HECW2: variants seen among roughly 807,000 people sequenced by gnomAD.
HECW2 encodes E3 ubiquitin-protein ligase HECW2.
A neutral mutation model predicts 175.2 loss-of-function variants in HECW2; 61 were observed. That is an observed-to-expected ratio of 0.35 (90% CI 0.28 to 0.43). The LOEUF is 0.43. Ranked by LOEUF, HECW2 falls within the 20% of genes least tolerant of loss-of-function variation. The pLI, the probability that HECW2 is intolerant of heterozygous loss-of-function variation, is 1.00. For synonymous variants in HECW2, 671 were observed against 731.0 expected, an observed-to-expected ratio of 0.92 and a Z score of 1.32; for missense variants, 1,524 against 2,000.5, an observed-to-expected ratio of 0.76 and a Z score of 4.54.
intron 1 of HECW2, among the ~76,000 whole-genome samples, chr2:196,518,393 C>A (rs560398919): frequency 6.6e-6 from 1 of 152,000 alleles, no homozygotes; most frequent in Non-Finnish European, 1.5e-5. Context: ...CGGTGGCTCA[C>A]GACTGTAATC....
At chr2:196,502,786 C>A (rs182429217) in intron 1 of HECW2, among the ~76,000 whole-genome samples, 1 of 152,204 alleles carries the variant, frequency 6.6e-6, no homozygotes, top group Non-Finnish European at 1.5e-5. Flanking sequence ...CTTCACCCAG[C>A]CTTGCTCTTC....
intron 25 of HECW2, 147 bp downstream of exon 25, chr2:196,220,648 C>T (rs1288806913): frequency 1.2e-6 from 1 of 831,050 alleles, no homozygotes; most frequent in African/African-American, 1.7e-5. Context: ...GCTCTTGAAA[C>T]ATAAGGGAAA....
chr2:196,584,518 CTT>C (rs1690906713), intron 1 of HECW2, among the ~76,000 whole-genome samples: 1 of 152,032 alleles, frequency 6.6e-6, no homozygotes, highest in Non-Finnish European at 1.5e-5. Flanking sequence ...AATTGAATCA[CTT>C]GTCTTGCCTG....
At chr2:196,476,059 C>A (rs1418595125) in intron 1 of HECW2, among the ~76,000 whole-genome samples, 1 of 152,140 alleles carries the variant, frequency 6.6e-6, no homozygotes, top group African/African-American at 2.4e-5. Context: ...GTGAATGACC[C>A]TAGAGTCAAA....
intron 1 of HECW2, among the ~76,000 whole-genome samples, chr2:196,439,621 G>A (rs1040770720): frequency 6.6e-6 from 1 of 152,130 alleles, no homozygotes; most frequent in Non-Finnish European, 1.5e-5. Context: ...ACAAGCCAGC[G>A]ACGGGACAGT....
rs1379314026 is a variant in HECW2, at chr2:196,512,722, C to A, written c.-35-79264G>T. Among the ~76,000 whole-genome samples the A allele has an allele frequency of 2.0e-5, 3 of 151,652 alleles. No individual in the cohort carries two copies. The South Asian group carries it at 6.3e-4, about 32-fold the overall frequency. ...TTTTTTTTTTCGAGTTGGAGTCTCG[C>A]TCTGTCACCCAGGCTGCAGTGCAGT... On this transcript the variant is annotated intron_variant, in intron 1 of 28. Coordinates refer to ENST00000644978, the MANE Select transcript of HECW2 (RefSeq NM_001348768.2).
At chr2:196,574,400 A>G (rs1034034497) in intron 1 of HECW2, among the ~76,000 whole-genome samples, 1 of 152,134 alleles carries the variant, frequency 6.6e-6, no homozygotes, top group Non-Finnish European at 1.5e-5. Context: ...ACTGCACTCC[A>G]GTGTGGGCGA....
chr2:196,201,020 T>C lies in HECW2; in HGVS notation c.*257A>G, dbSNP rs1686837930. The C allele has an allele frequency of 2.7e-6, 1 of 376,956 alleles. No individual in the cohort carries two copies. The highest frequency in any genetic ancestry group is 5.0e-6 in the Non-Finnish European group (1 of 198,912). 23.4% of individuals were successfully genotyped at this position (376,956 alleles called of 1,614,324 possible). On this transcript the variant is annotated 3_prime_UTR_variant, in exon 29 of 29. Coordinates refer to ENST00000644978, the MANE Select transcript of HECW2 (RefSeq NM_001348768.2). ...CATCTTTGTCTTGGAACATAACAAA[T>C]GGAAAAAGTTTGGCAGTCAAGAACT...
At chr2:196,463,567 A>C (rs1462162480) in intron 1 of HECW2, among the ~76,000 whole-genome samples, 1 of 152,208 alleles carries the variant, frequency 6.6e-6, no homozygotes, top group Non-Finnish European at 1.5e-5. Context: ...TATGACTATA[A>C]CAGTAGTAAT....
intron 27 of HECW2, 88 bp downstream of exon 27, chr2:196,216,919 TA>T: frequency 1.2e-6 from 1 of 869,448 alleles, no homozygotes; most frequent in Non-Finnish European, 1.7e-6. Flanking sequence ...GGTATGTGTT[TA>T]TGGAGAATAG....
intron 13 of HECW2, among the ~76,000 whole-genome samples, chr2:196,296,018 G>A (rs1478308635): frequency 6.6e-6 from 1 of 152,058 alleles, no homozygotes; most frequent in Non-Finnish European, 1.5e-5. Flanking sequence ...GACTGTTAGG[G>A]TCTATACAAA....
Position 196,270,480 on chromosome 2 carries a change from T to C in HECW2, c.3335+713A>G, listed in dbSNP as rs1689687280. ...ATCAGATTCCCTACTTAGGTTCTAA[T>C]CTGTTTTTATTATGGAAAAATGTGA... On this transcript the variant is annotated intron_variant, in intron 17 of 28. Coordinates refer to ENST00000644978, the MANE Select transcript of HECW2 (RefSeq NM_001348768.2). 2.0e-5 allele frequency among the ~76,000 whole-genome samples: 3 copies of C among 152,302 alleles called. No individual in the cohort carries two copies. In the South Asian group the frequency reaches 6.2e-4, roughly 32 times the overall value.
intron 21 of HECW2, among the ~76,000 whole-genome samples, chr2:196,235,653 T>TC (rs1688221633): frequency 9.5e-6 from 1 of 105,628 alleles, no homozygotes; most frequent in African/African-American, 4.7e-5. Context: ...TTATTCTTTT[T>TC]TTTTTTTTTT....
At chr2:196,395,794 G>T (rs1028379461) in intron 2 of HECW2, among the ~76,000 whole-genome samples, 1 of 151,892 alleles carries the variant, frequency 6.6e-6, no homozygotes, top group Non-Finnish European at 1.5e-5. Context: ...ATGTGAAATG[G>T]TGCAGCTGCT....
chr2:196,460,251 TAA>T (rs1294953192), intron 1 of HECW2, among the ~76,000 whole-genome samples: 3 of 152,188 alleles, frequency 2.0e-5, no homozygotes, highest in African/African-American at 7.2e-5. Flanking sequence ...TGGGCATAAT[TAA>T]AAGACTCTAA....
At chr2:196,406,689 C>T (rs1317503687) in intron 2 of HECW2, among the ~76,000 whole-genome samples, 1 of 152,212 alleles carries the variant, frequency 6.6e-6, no homozygotes, top group African/African-American at 2.4e-5. Context: ...GCCCGCCATG[C>T]TCCAGCCACT....
chr2:196,272,352 T>G (rs953299525), intron 16 of HECW2, among the ~76,000 whole-genome samples: 7 of 152,222 alleles, frequency 4.6e-5, no homozygotes, highest in African/African-American at 1.7e-4. Context: ...TAATTAAAAT[T>G]TATTAAGGAT....
intron 2 of HECW2, among the ~76,000 whole-genome samples, chr2:196,382,229 GTATA>G (rs67160836): frequency 0.41 from 37,086 of 90,764 alleles, 5,761 homozygotes; most frequent in African/African-American, 0.53. Context: ...GTGTGTGTGT[GTATA>G]TATATATATA....
At chr2:196,447,458 G>A (rs1222536438) in intron 1 of HECW2, among the ~76,000 whole-genome samples, 2 of 152,132 alleles carry the variant, frequency 1.3e-5, no homozygotes, top group Non-Finnish European at 2.9e-5. Flanking sequence ...ATGGCAAAGA[G>A]AAATTACATG....
Sources: gnomAD v4.1 joint callset for allele counts (sites outside exome capture counted in the v4.1 genomes callset) on GRCh38, gnomAD v4.1.1 for gene constraint, MANE v1.5 for transcripts, NCBI Gene and HGNC (gene_info 2026-07-23, HGNC 2026-07-21) for gene names.